The following MACROD2 variants were observed in gnomAD, a reference collection of about 807,000 sequenced individuals.
The protein encoded by MACROD2 is mono-ADP ribosylhydrolase 2, also known as ADP-ribose glycohydrolase MACROD2.
In MACROD2, 36 loss-of-function variants were observed where a neutral mutation model predicts 70.4. The observed-to-expected ratio is 0.51, with a 90% CI of 0.39 to 0.68. The LOEUF (loss-of-function observed/expected upper bound fraction) is 0.68. Among genes scored for constraint, MACROD2 ranks in the 30% least tolerant of loss-of-function variants. The pLI is 0.00. For missense variants in MACROD2, 496 were observed against 538.4 expected (o/e 0.92, Z 0.78); for synonymous variants, 172 against 178.8 (o/e 0.96, Z 0.30).
At chr20:14,005,807 G>A (rs542341904) in intron 2 of MACROD2, among the ~76,000 whole-genome samples, 78 of 152,174 alleles carry the variant, frequency 5.1e-4, no homozygotes, top group African/African-American at 1.8e-3. Flanking sequence ...CACTGTGTTG[G>A]CCAGGCTGGT....
At chr20:15,063,549 A>C (rs1361324001) in intron 5 of MACROD2, among the ~76,000 whole-genome samples, 1 of 152,174 alleles carries the variant, frequency 6.6e-6, no homozygotes, top group Non-Finnish European at 1.5e-5. Context: ...CTCTGGGTAC[A>C]TCATGTTTTA....
chr20:15,728,054 G>T (rs2327961), intron 8 of MACROD2, among the ~76,000 whole-genome samples: 122,665 of 152,082 alleles, frequency 0.81, 50,189 homozygotes, highest in Non-Finnish European at 0.88. Context: ...AGATGGTTCT[G>T]ATTATTTTGA....
chr20:15,995,697 A>T (rs2066621615), intron 15 of MACROD2, among the ~76,000 whole-genome samples: 1 of 133,776 alleles, frequency 7.5e-6, no homozygotes, highest in Non-Finnish European at 1.6e-5. Flanking sequence ...CATATAAATG[A>T]GATCACACAG....
chr20:15,394,632 T>C (rs1210584081), intron 6 of MACROD2, among the ~76,000 whole-genome samples: 4 of 152,220 alleles, frequency 2.6e-5, no homozygotes, highest in Non-Finnish European at 5.9e-5. Flanking sequence ...TTTCTTACTT[T>C]GAGGTTGCTT....
At chr20:14,115,521 G>A (rs2054503349) in intron 3 of MACROD2, among the ~76,000 whole-genome samples, 1 of 152,128 alleles carries the variant, frequency 6.6e-6, no homozygotes, top group Non-Finnish European at 1.5e-5. Context: ...GTCTTTTTAG[G>A]TTAGGCTTTC....
chr20:15,879,646 A>T (rs1261187719), intron 9 of MACROD2, among the ~76,000 whole-genome samples: 2 of 152,192 alleles, frequency 1.3e-5, no homozygotes, highest in East Asian at 3.9e-4. Flanking sequence ...TTTCAAAAAA[A>T]GTTTGAATGC....
At chr20:14,535,696 G>A (rs1446979852) in intron 4 of MACROD2, among the ~76,000 whole-genome samples, 1 of 151,922 alleles carries the variant, frequency 6.6e-6, no homozygotes, top group Non-Finnish European at 1.5e-5. Flanking sequence ...AGTATCTTCC[G>A]TTAGCTGCTG....
chr20:15,322,175 T>C (rs1216302552), intron 6 of MACROD2, among the ~76,000 whole-genome samples: 5 of 143,504 alleles, frequency 3.5e-5, no homozygotes, highest in African/African-American at 1.2e-4. Context: ...AATGGTTTTG[T>C]GGTTCATGGA....
chr20:14,892,710 T>C (rs1033743682), intron 5 of MACROD2: 1 of 152,116 alleles, frequency 6.6e-6, no homozygotes, highest in Non-Finnish European at 1.5e-5. Context: ...TAGCTCCTGG[T>C]AACCACAATT....
intron 6 of MACROD2, among the ~76,000 whole-genome samples, chr20:15,419,950 T>C (rs2046205586): frequency 6.6e-6 from 1 of 152,252 alleles, no homozygotes; most frequent in Admixed American, 6.5e-5. Flanking sequence ...TTTGTTTTGC[T>C]TTGTTTTTAA....
chr20:14,945,059 A>C (rs1415286097), intron 5 of MACROD2, among the ~76,000 whole-genome samples: 1 of 152,082 alleles, frequency 6.6e-6, no homozygotes, highest in Non-Finnish European at 1.5e-5. Flanking sequence ...CCAGCGTTTA[A>C]AAATTGGAAG....
At chr20:15,154,621 C>T (rs1369606430) in intron 5 of MACROD2, among the ~76,000 whole-genome samples, 1 of 152,178 alleles carries the variant, frequency 6.6e-6, no homozygotes, top group African/African-American at 2.4e-5. Context: ...CCCTCTTCCA[C>T]TTTACAGATC....
chr20:15,478,202 A>G (rs771998071), intron 7 of MACROD2, among the ~76,000 whole-genome samples: 21 of 152,168 alleles, frequency 1.4e-4, no homozygotes, highest in Non-Finnish European at 2.6e-4. Flanking sequence ...TTTCTGAGAA[A>G]CCATATGGAC....
chr20:14,051,087 A>G (rs1299814115), intron 2 of MACROD2, among the ~76,000 whole-genome samples: 1 of 152,226 alleles, frequency 6.6e-6, no homozygotes, highest in Non-Finnish European at 1.5e-5. Flanking sequence ...TGAGAACAGT[A>G]TGCATAGTAT....
chr20:15,677,591 G>T (rs751153242), intron 8 of MACROD2, among the ~76,000 whole-genome samples: 1 of 152,064 alleles, frequency 6.6e-6, no homozygotes, highest in Non-Finnish European at 1.5e-5. Flanking sequence ...CACTGTGTGG[G>T]TGACCAGAAT....
In MACROD2 at chr20:14,070,313, A is replaced by G. The variant is rs569173156; in HGVS notation, c.164-15308A>G. Among the ~76,000 whole-genome samples, 331 of 61,638 alleles carry G rather than the reference A, an allele frequency of 5.4e-3. 2 individuals carry two copies. Among genetic ancestry groups the G allele is most frequent in the African/African-American group, 0.014 (324 of 22,356 alleles). The allele number at this position is 61,638 out of a possible 152,430, so 40.4% of individuals were successfully genotyped here. A position where few individuals can be genotyped will look rare whatever the true frequency, so the allele number is the denominator to read the frequency against. On this transcript the variant is annotated intron_variant, in intron 2 of 17. Coordinates refer to ENST00000684519, the MANE Select transcript of MACROD2 (RefSeq NM_001351661.2). Reference sequence around the variant, plus strand: ...TGAGAATAAATGGATATGCTGGAGTATAGAGGGGTTTGTGTGTGTGTGTGT... The same window carrying G: ...TGAGAATAAATGGATATGCTGGAGTGTAGAGGGGTTTGTGTGTGTGTGTGT...
intron 3 of MACROD2, among the ~76,000 whole-genome samples, chr20:14,428,997 T>G (rs2083965325): frequency 6.6e-6 from 1 of 152,242 alleles, no homozygotes; most frequent in Non-Finnish European, 1.5e-5. Context: ...CCCTCTAAAT[T>G]TAGGACTGAT....
chr20:15,499,303 T>G (rs1180837579), intron 7 of MACROD2, among the ~76,000 whole-genome samples: 2 of 152,156 alleles, frequency 1.3e-5, no homozygotes, highest in African/African-American at 4.8e-5. Flanking sequence ...ATTCTGACAA[T>G]AAGTTTCTGT....
intron 8 of MACROD2, among the ~76,000 whole-genome samples, chr20:15,811,247 A>G (rs972980199): frequency 6.6e-6 from 1 of 151,828 alleles, no homozygotes; most frequent in Non-Finnish European, 1.5e-5. Flanking sequence ...ACAAGAAAAA[A>G]ACAAACAACC....
Sources: allele counts gnomAD v4.1 joint callset (sites outside exome capture counted in the v4.1 genomes callset), GRCh38; gene constraint gnomAD v4.1.1; transcripts MANE v1.5; gene names NCBI Gene and HGNC (gene_info 2026-07-23, HGNC 2026-07-21).